The following ZNF804B variants were observed in gnomAD, a reference collection of about 807,000 sequenced individuals.
ZNF804B encodes zinc finger protein 804B.
A neutral mutation model predicts 101.4 loss-of-function variants in ZNF804B; 80 were observed. That is an observed-to-expected ratio of 0.79 (90% CI 0.66 to 0.95). The LOEUF (loss-of-function observed/expected upper bound fraction) is 0.95. Among genes scored for constraint, ZNF804B ranks in the 40% least tolerant of loss-of-function variants. The probability of loss-of-function intolerance (pLI) is 0.00; values close to 1 mark genes in which losing one functional copy is unlikely to be tolerated. For missense variants in ZNF804B, 1,673 were observed against 1,561.9 expected (o/e 1.07, Z -1.20); for synonymous variants, 622 against 558.8 (o/e 1.11, Z -1.59).
chr7:88,804,414 T>C (rs1790654238), intron 1 of ZNF804B, among the ~76,000 whole-genome samples: 1 of 152,152 alleles, frequency 6.6e-6, no homozygotes, highest in Non-Finnish European at 1.5e-5. Context: ...CGAAAATACC[T>C]TAAGATTGTC....
rs181944982 is a variant in ZNF804B at position 89,019,094 on chromosome 7, C to T, written c.109-199061C>T. ...GTTAGTTTGTTTGTTTGAAGCTTTTCTACTTTATTGATGCAGGCATTTATT... is the reference window on the plus strand; with the variant it reads ...GTTAGTTTGTTTGTTTGAAGCTTTTTTACTTTATTGATGCAGGCATTTATT... On this transcript the variant is annotated intron_variant, in intron 1 of 3. Coordinates refer to ENST00000333190, the MANE Select transcript of ZNF804B (RefSeq NM_181646.5). Among the ~76,000 whole-genome samples the T allele has an allele frequency of 3.1e-3, 475 of 152,034 alleles. 8 individuals are homozygous for T. The highest frequency in any genetic ancestry group is 0.011 in the African/African-American group (454 of 41,548).
At chr7:88,891,457 A>G (rs1181514954) in intron 1 of ZNF804B, among the ~76,000 whole-genome samples, 1 of 152,088 alleles carries the variant, frequency 6.6e-6, no homozygotes, top group Admixed American at 6.5e-5. Context: ...ACATGTCCTT[A>G]TGCATTATAT....
At chr7:89,010,205 A>G (rs1243533892) in intron 1 of ZNF804B, among the ~76,000 whole-genome samples, 3 of 151,434 alleles carry the variant, frequency 2.0e-5, no homozygotes, top group African/African-American at 4.9e-5. Context: ...AGTGACATTA[A>G]CATTTATTTT....
At chr7:88,989,829 C>G (rs1247541332) in intron 1 of ZNF804B, among the ~76,000 whole-genome samples, 1 of 151,354 alleles carries the variant, frequency 6.6e-6, no homozygotes, top group Non-Finnish European at 1.5e-5. Context: ...TAAAATTGAC[C>G]TTCCCTCATT....
chr7:89,206,028 C>G (rs1425176939), intron 1 of ZNF804B, among the ~76,000 whole-genome samples: 2 of 152,294 alleles, frequency 1.3e-5, no homozygotes, highest in African/African-American at 4.8e-5. Flanking sequence ...GGCTTAATAC[C>G]ACGTGGAAGC....
intron 1 of ZNF804B, among the ~76,000 whole-genome samples, chr7:89,019,607 C>T (rs1352717765): frequency 6.6e-6 from 1 of 151,970 alleles, no homozygotes; most frequent in African/African-American, 2.4e-5. Context: ...TGTTTTGTGG[C>T]ACAACCATCT....
intron 1 of ZNF804B, among the ~76,000 whole-genome samples, chr7:89,039,292 T>C (rs1216160745): frequency 6.6e-6 from 1 of 152,002 alleles, no homozygotes; most frequent in East Asian, 1.9e-4. Flanking sequence ...TTGGGTAGTA[T>C]AAACTTTGGG....
At chr7:88,770,248 A>G (rs1186684693) in intron 1 of ZNF804B, among the ~76,000 whole-genome samples, 1 of 152,146 alleles carries the variant, frequency 6.6e-6, no homozygotes, top group Non-Finnish European at 1.5e-5. Context: ...TCCGGTTATG[A>G]TTGAATTAAA....
At chr7:88,927,334 A>C (rs921794993) in intron 1 of ZNF804B, among the ~76,000 whole-genome samples, 5 of 152,234 alleles carry the variant, frequency 3.3e-5, no homozygotes, top group African/African-American at 1.2e-4. Flanking sequence ...CATTCTAGTA[A>C]AAGCACAAAC....
At chr7:88,857,122 G>A (rs1345552520) in intron 1 of ZNF804B, among the ~76,000 whole-genome samples, 1 of 151,962 alleles carries the variant, frequency 6.6e-6, no homozygotes, top group East Asian at 1.9e-4. Flanking sequence ...GTGCGTGGAG[G>A]GAAATTTATG....
At chr7:88,845,538 T>C (rs187917917) in intron 1 of ZNF804B, among the ~76,000 whole-genome samples, 2 of 152,142 alleles carry the variant, frequency 1.3e-5, no homozygotes, top group Non-Finnish European at 1.5e-5. Flanking sequence ...CTGTTATTTT[T>C]CAAATGGAAC....
At chr7:89,269,703 C>A (rs985860519) in intron 2 of ZNF804B, among the ~76,000 whole-genome samples, 1 of 152,126 alleles carries the variant, frequency 6.6e-6, no homozygotes, top group Non-Finnish European at 1.5e-5. Context: ...GTTCCTATTT[C>A]TCCACATCCT....
intron 1 of ZNF804B, among the ~76,000 whole-genome samples, chr7:88,828,612 A>G (rs1012025222): frequency 6.6e-6 from 1 of 152,164 alleles, no homozygotes; most frequent in Admixed American, 6.6e-5. Context: ...GTTAGTTATT[A>G]TAATGAATTA....
At chr7:89,075,417 G>C (rs1789601703) in intron 1 of ZNF804B, among the ~76,000 whole-genome samples, 1 of 152,210 alleles carries the variant, frequency 6.6e-6, no homozygotes, top group Non-Finnish European at 1.5e-5. Context: ...TACAGCTCCA[G>C]CTGTGGCTTC....
chr7:89,157,714 T>A (rs1193738370), intron 1 of ZNF804B, among the ~76,000 whole-genome samples: 1 of 152,184 alleles, frequency 6.6e-6, no homozygotes, highest in Non-Finnish European at 1.5e-5. Context: ...TTCTAGTGTC[T>A]AGTTCAAATG....
At chr7:89,146,971 A>G (rs1790799978) in intron 1 of ZNF804B, among the ~76,000 whole-genome samples, 1 of 151,604 alleles carries the variant, frequency 6.6e-6, no homozygotes, top group Non-Finnish European at 1.5e-5. Context: ...TGCGGGTTGC[A>G]TGAGCCAAGA....
At position 88,991,851 on chromosome 7, in the gene ZNF804B, C is replaced by T. The variant is rs141414096; in HGVS notation, c.109-226304C>T. On this transcript the variant is annotated intron_variant, in intron 1 of 3. Transcript: ENST00000333190. The stretch of plus-strand genomic sequence containing the variant: ...GGCTTACATATGATATAGCTACTAC[C>T]ATGAGGTCTTTCATTCAATGGCCTG... Among the ~76,000 whole-genome samples, 699 of 152,270 alleles carry T rather than the reference C, an allele frequency of 4.6e-3. 7 individuals are homozygous for T. Among genetic ancestry groups the T allele is most frequent in the African/African-American group, 0.015 (644 of 41,568 alleles).
intron 1 of ZNF804B, among the ~76,000 whole-genome samples, chr7:89,039,067 G>A (rs60865335): frequency 4.0e-5 from 6 of 151,722 alleles, no homozygotes; most frequent in South Asian, 2.1e-4. Flanking sequence ...TTTTGATTAC[G>A]GTACCTTTGT....
intron 2 of ZNF804B, among the ~76,000 whole-genome samples, chr7:89,249,654 TAC>T (rs1479950140): frequency 2.0e-5 from 3 of 152,284 alleles, no homozygotes; most frequent in African/African-American, 4.8e-5. Flanking sequence ...GAGGGAAATT[TAC>T]AGTGCTAAAT....
Sources: gnomAD v4.1 joint callset for allele counts (sites outside exome capture counted in the v4.1 genomes callset) on GRCh38, gnomAD v4.1.1 for gene constraint, MANE v1.5 for transcripts, NCBI Gene and HGNC (gene_info 2026-07-23, HGNC 2026-07-21) for gene names.